Variants in LMO7 observed in about 807,000 individuals in gnomAD.
The protein encoded by LMO7 is LIM domain only protein 7.
A neutral mutation model predicts 206.5 loss-of-function variants in LMO7; 120 were observed. The observed-to-expected ratio is 0.58, with a 90% CI of 0.50 to 0.68. LMO7 has a LOEUF of 0.68. Ranked by LOEUF, LMO7 falls within the 30% of genes least tolerant of loss-of-function variation. The probability of loss-of-function intolerance (pLI) is 0.00; values close to 1 mark genes in which losing one functional copy is unlikely to be tolerated. For missense variants in LMO7, 1,959 were observed against 1,957.9 expected, an observed-to-expected ratio of 1.00 and a Z score of -0.01; for synonymous variants, 706 against 681.5, an observed-to-expected ratio of 1.04 and a Z score of -0.56.
chr13:75,743,914 A>G (rs903769189), intron 3 of LMO7, among the ~76,000 whole-genome samples: 6 of 152,290 alleles, frequency 3.9e-5, no homozygotes, highest in Middle Eastern at 3.4e-3. Context: ...TAATTTAAGT[A>G]ATTTTTTTGT....
intron 4 of LMO7, among the ~76,000 whole-genome samples, chr13:75,774,581 T>C (rs757009195): frequency 6.6e-6 from 1 of 152,186 alleles, no homozygotes; most frequent in Non-Finnish European, 1.5e-5. Flanking sequence ...TATTTTATTA[T>C]GATTTTAGCT....
chr13:75,855,266 C>T lies in LMO7; in HGVS notation c.4668C>T (p.Val1556=). Residue 1556 remains valine (V), a synonymous_variant, in exon 29 of 31, where the codon GTC becomes GTT. Transcript: ENST00000377534. ...ATTCTTGTTCTGCATCTAGGTCAGTCAGTGGGAAGCGCATATGCTCCTACT... is the reference window on the plus strand; with the variant it reads ...ATTCTTGTTCTGCATCTAGGTCAGTTAGTGGGAAGCGCATATGCTCCTACT... ...QSGSQLRNRS[V]SGKRICSYCN... 1 of 1,609,500 alleles carries T rather than the reference C, an allele frequency of 6.2e-7. No individual in the cohort carries two copies. Among genetic ancestry groups the T allele is most frequent in the Non-Finnish European group, 8.5e-7 (1 of 1,176,020 alleles).
intron 1 of LMO7, among the ~76,000 whole-genome samples, chr13:75,711,084 T>C (rs1180574120): frequency 6.6e-6 from 1 of 152,236 alleles, no homozygotes; most frequent in Non-Finnish European, 1.5e-5. Flanking sequence ...TGGTTCTGTT[T>C]ATATGCTGTA....
At chr13:75,655,566 T>C (rs1167057909) in intron 1 of LMO7, among the ~76,000 whole-genome samples, 1 of 150,790 alleles carries the variant, frequency 6.6e-6, no homozygotes, top group Non-Finnish European at 1.5e-5. Context: ...TAGTTGATAT[T>C]TCTTTGAGGT....
chr13:75,628,070 T>C (rs1305889682), intron 2 of LMO7: 1 of 152,214 alleles, frequency 6.6e-6, no homozygotes, highest in Non-Finnish European at 1.5e-5. Flanking sequence ...AAAGTTACCA[T>C]CTCAGTTGAT....
At chr13:75,634,265 C>T (rs1240402812), upstream of LMO7, among the ~76,000 whole-genome samples, 1 of 151,818 alleles carries the variant, frequency 6.6e-6, no homozygotes, top group South Asian at 2.1e-4. Context: ...AGTGAGACCC[C>T]TCTCTCTACA....
At chr13:75,766,348 G>T (rs1156481342) in intron 4 of LMO7, among the ~76,000 whole-genome samples, 1 of 151,186 alleles carries the variant, frequency 6.6e-6, no homozygotes, top group Non-Finnish European at 1.5e-5. Context: ...TTATTTGTGT[G>T]AGGGTATAGG....
At chr13:75,799,045 G>C (rs1247756434) in intron 6 of LMO7, among the ~76,000 whole-genome samples, 3 of 152,234 alleles carry the variant, frequency 2.0e-5, no homozygotes, top group African/African-American at 7.2e-5. Context: ...TTCCCCATCT[G>C]CTTGGAAGTA....
intron 3 of LMO7, among the ~76,000 whole-genome samples, chr13:75,747,172 T>A (rs970090064): frequency 3.3e-5 from 5 of 152,088 alleles, no homozygotes; most frequent in Non-Finnish European, 5.9e-5. Flanking sequence ...ATCAGTTACG[T>A]GAGTTGAGGG....
chr13:75,735,440 GA>G (rs1480312839), intron 3 of LMO7, among the ~76,000 whole-genome samples: 1 of 151,882 alleles, frequency 6.6e-6, no homozygotes, highest in Non-Finnish European at 1.5e-5. Context: ...GGAATAAAAT[GA>G]AAAAAATTTA....
intron 15 of LMO7, among the ~76,000 whole-genome samples, chr13:75,828,490 G>T (rs183180664): frequency 3.1e-4 from 47 of 152,210 alleles, no homozygotes; most frequent in African/African-American, 1.1e-3. Flanking sequence ...GAGCCACTGG[G>T]GACAGAAATG....
At chr13:75,629,555 G>C (rs1297571635) in intron 2 of LMO7, among the ~76,000 whole-genome samples, 1 of 152,188 alleles carries the variant, frequency 6.6e-6, no homozygotes, top group Non-Finnish European at 1.5e-5. Context: ...CACATTTCTG[G>C]AAAAGGGAGA....
chr13:75,671,401 G>A (rs1353192735), intron 1 of LMO7, among the ~76,000 whole-genome samples: 1 of 152,110 alleles, frequency 6.6e-6, no homozygotes, highest in Non-Finnish European at 1.5e-5. Flanking sequence ...TAGTGTGATT[G>A]CTGCGATATC....
intron 1 of LMO7, among the ~76,000 whole-genome samples, chr13:75,697,790 C>T (rs533113228): frequency 1.6e-4 from 25 of 152,226 alleles, no homozygotes; most frequent in East Asian, 7.7e-4. Flanking sequence ...ACTTGATCAA[C>T]GGGAAACTAA....
At chr13:75,718,565 G>A (rs977260293) in intron 2 of LMO7, among the ~76,000 whole-genome samples, 1 of 152,084 alleles carries the variant, frequency 6.6e-6, no homozygotes, top group Non-Finnish European at 1.5e-5. Context: ...CCCCACATAT[G>A]CACAGCCTCC....
At chr13:75,718,361 A>C (rs1306830822) in intron 2 of LMO7, among the ~76,000 whole-genome samples, 6 of 152,058 alleles carry the variant, frequency 3.9e-5, no homozygotes, top group Admixed American at 2.0e-4. Context: ...CTGATATATC[A>C]CTCTTATTTA....
rs138834160 is a variant in LMO7 at position 75,680,230 on chromosome 13, G to A, written c.70-32952G>A. Among the ~76,000 whole-genome samples, 173 of 152,252 alleles carry A rather than the reference G, an allele frequency of 1.1e-3. No homozygotes were observed. The South Asian group carries it at 0.012, about 11-fold the overall frequency. On this transcript the variant is annotated intron_variant, in intron 1 of 30. Transcript: ENST00000377534. ...ATGTCCCTGCAAAGGGCATGATCTCGTTCCCTTTTGTGGTTGCACAGTATT... is the reference window on the plus strand; with the variant it reads ...ATGTCCCTGCAAAGGGCATGATCTCATTCCCTTTTGTGGTTGCACAGTATT...
At chr13:75,764,018 T>C (rs1279377183) in intron 4 of LMO7, among the ~76,000 whole-genome samples, 2 of 152,184 alleles carry the variant, frequency 1.3e-5, no homozygotes, top group Non-Finnish European at 2.9e-5. Context: ...TCTTATGTGT[T>C]CTAATTTTCT....
chr13:75,749,498 G>A, intron 3 of LMO7, among the ~76,000 whole-genome samples: 1 of 152,272 alleles, frequency 6.6e-6, no homozygotes, highest in East Asian at 1.9e-4. Context: ...GTTTGCCACA[G>A]CCTGTTACTG....
Sources: gnomAD v4.1 joint callset for allele counts (sites outside exome capture counted in the v4.1 genomes callset) on GRCh38, gnomAD v4.1.1 for gene constraint, MANE v1.5 for transcripts, NCBI Gene and HGNC (gene_info 2026-07-23, HGNC 2026-07-21) for gene names.